Variants in GLIS3 observed in about 807,000 individuals in gnomAD.
GLIS3 encodes the protein GLIS family zinc finger 3, also known as zinc finger protein GLIS3.
A neutral mutation model predicts 78.6 loss-of-function variants in GLIS3; 53 were observed. The observed-to-expected ratio is 0.67, with a 90% confidence interval of 0.54 to 0.85. The LOEUF (loss-of-function observed/expected upper bound fraction) is 0.85. GLIS3 is among the 40% of genes least tolerant of loss of function. The pLI is 0.00. For synonymous variants in GLIS3, 684 were observed against 509.9 expected (o/e 1.34, Z -4.60); for missense variants, 1,703 against 1,231.1 (o/e 1.38, Z -5.74).
intron 4 of GLIS3, among the ~76,000 whole-genome samples, chr9:3,979,507 C>A (rs879232835): frequency 6.6e-6 from 1 of 152,228 alleles, no homozygotes; most frequent in Non-Finnish European, 1.5e-5. Context: ...TCGTTTCAGG[C>A]TATGTGACTT....
intron 4 of GLIS3, among the ~76,000 whole-genome samples, chr9:4,058,009 C>T (rs1469360781): frequency 6.6e-6 from 1 of 152,116 alleles, no homozygotes; most frequent in Admixed American, 6.6e-5. Context: ...CATTTTCTTC[C>T]AGCACACCTG....
the GLIS3 span, among the ~76,000 whole-genome samples, chr9:4,437,453 T>C: frequency 6.6e-6 from 1 of 151,960 alleles, no homozygotes; most frequent in Admixed American, 6.6e-5. Flanking sequence ...TCTATCTATC[T>C]ATCTATCTAT....
the GLIS3 span, among the ~76,000 whole-genome samples, chr9:4,471,727 A>C: frequency 1.3e-5 from 2 of 152,228 alleles, no homozygotes; most frequent in Non-Finnish European, 2.9e-5. Flanking sequence ...CACCAAAAGC[A>C]ATGGCAACAA....
At chr9:4,263,226 A>G (rs990903726) in intron 2 of GLIS3, among the ~76,000 whole-genome samples, 1 of 152,234 alleles carries the variant, frequency 6.6e-6, no homozygotes, top group Non-Finnish European at 1.5e-5. Flanking sequence ...GCTCACAGAC[A>G]TATTCTGCAG....
At chr9:4,129,599 C>T (rs146862890) in intron 2 of GLIS3, among the ~76,000 whole-genome samples, 13 of 152,294 alleles carry the variant, frequency 8.5e-5, no homozygotes, top group East Asian at 5.8e-4. Flanking sequence ...GTTTCCCCTT[C>T]GCCTTCCACC....
chr9:3,895,802 C>G (rs562134838), intron 7 of GLIS3, among the ~76,000 whole-genome samples: 1 of 152,176 alleles, frequency 6.6e-6, no homozygotes, highest in Non-Finnish European at 1.5e-5. Context: ...CTTCTTCACA[C>G]CACAAGTCCT....
At chr9:4,308,954 T>A (rs1416264319) in exon 4 of GLIS3, 1 of 152,252 alleles carries the variant, frequency 6.6e-6, no homozygotes, top group Non-Finnish European at 1.5e-5. Context: ...AAGCTCTTTG[T>A]GCCTGTCTCT....
chr9:3,838,424 G>A (rs972445312), intron 9 of GLIS3, among the ~76,000 whole-genome samples: 5 of 152,220 alleles, frequency 3.3e-5, no homozygotes, highest in South Asian at 4.1e-4. Flanking sequence ...AGATTCTTTG[G>A]TTTCACTTAG....
At chr9:4,259,596 G>C (rs1055257727) in intron 2 of GLIS3, among the ~76,000 whole-genome samples, 4 of 152,280 alleles carry the variant, frequency 2.6e-5, no homozygotes, top group African/African-American at 9.6e-5. Flanking sequence ...GGCAAACTGA[G>C]ACCAAAGTTA....
intron 6 of GLIS3, among the ~76,000 whole-genome samples, chr9:3,923,784 T>G (rs1825051058): frequency 6.6e-6 from 1 of 152,172 alleles, no homozygotes; most frequent in Non-Finnish European, 1.5e-5. Flanking sequence ...ATGCATATAA[T>G]GCTGATGGGC....
At chr9:4,369,608 C>T in the GLIS3 span, among the ~76,000 whole-genome samples, 1 of 152,116 alleles carries the variant, frequency 6.6e-6, no homozygotes, top group Non-Finnish European at 1.5e-5. Flanking sequence ...TGGCTGTAGG[C>T]CCTTGTGCAA....
intron 4 of GLIS3, among the ~76,000 whole-genome samples, chr9:4,092,910 G>A (rs1425895973): frequency 2.0e-5 from 3 of 152,198 alleles, no homozygotes; most frequent in Non-Finnish European, 4.4e-5. Context: ...ACAACTGGCA[G>A]TGACATAGGT....
At chr9:4,455,036 AC>A in the GLIS3 span, among the ~76,000 whole-genome samples, 1 of 152,190 alleles carries the variant, frequency 6.6e-6, no homozygotes, top group Non-Finnish European at 1.5e-5. Flanking sequence ...GGTAATTTAT[AC>A]CTTTTTCCAG....
chr9:4,341,184 CT>C (rs1240011818), intron 2 of GLIS3, among the ~76,000 whole-genome samples: 2 of 152,340 alleles, frequency 1.3e-5, no homozygotes, highest in African/African-American at 4.8e-5. Flanking sequence ...GTGCAATACT[CT>C]CTAGGACAAA....
In GLIS3 at chr9:4,119,746, T is replaced by C. The variant is rs780899673; in HGVS notation, c.597-865A>G. Among the ~76,000 whole-genome samples the C allele has an allele frequency of 3.0e-4, 45 of 152,228 alleles. 1 individual carries two copies. Among genetic ancestry groups the C allele is most frequent in the Non-Finnish European group, 1.0e-4 (7 of 68,032 alleles). On this transcript the variant is annotated intron_variant, in intron 3 of 10. Transcript: ENST00000381971. ...TTCCTCTCCTATTCTTCTTACCCTT[T>C]ACAAACACACCCTATGTCTCACAAT...
At chr9:4,449,628 G>A in the GLIS3 span, among the ~76,000 whole-genome samples, 4 of 152,194 alleles carry the variant, frequency 2.6e-5, no homozygotes, top group African/African-American at 4.8e-5. Context: ...TCCAGAGGAA[G>A]GATCAGGCAG....
chr9:4,020,576 T>C (rs1405702404), intron 4 of GLIS3, among the ~76,000 whole-genome samples: 1 of 152,240 alleles, frequency 6.6e-6, no homozygotes, highest in Admixed American at 6.5e-5. Flanking sequence ...CTAAGAGGCA[T>C]AAACCACATA....
At chr9:4,221,850 A>G (rs1240795340) in intron 2 of GLIS3, among the ~76,000 whole-genome samples, 2 of 152,248 alleles carry the variant, frequency 1.3e-5, no homozygotes, top group Admixed American at 6.5e-5. Context: ...CCATATCTCC[A>G]TCTTCTATGC....
the GLIS3 span, among the ~76,000 whole-genome samples, chr9:4,361,636 G>C: frequency 1.3e-5 from 2 of 152,152 alleles, no homozygotes; most frequent in Admixed American, 6.5e-5. Flanking sequence ...CAAGCTTTTG[G>C]GTCTCCACAT....
Sources: allele counts gnomAD v4.1 joint callset (sites outside exome capture counted in the v4.1 genomes callset), GRCh38; gene constraint gnomAD v4.1.1; transcripts MANE v1.5; gene names NCBI Gene and HGNC (gene_info 2026-07-23, HGNC 2026-07-21).